The following HIPK2 variants were observed in gnomAD, a reference collection of about 807,000 sequenced individuals.
HIPK2 encodes homeodomain-interacting protein kinase 2.
A neutral mutation model predicts 113.7 loss-of-function variants in HIPK2; 27 were observed. The observed-to-expected ratio is 0.24, with a 90% CI of 0.17 to 0.33. The LOEUF is 0.33. Among genes scored for constraint, HIPK2 ranks in the 10% least tolerant of loss-of-function variants. The pLI, the probability that HIPK2 is intolerant of heterozygous loss-of-function variation, is 1.00. For missense variants in HIPK2, 1,257 were observed against 1,588.0 expected, an observed-to-expected ratio of 0.79 and a Z score of 3.54; for synonymous variants, 631 against 642.2, an observed-to-expected ratio of 0.98 and a Z score of 0.26.
At chr7:139,698,417 A>G (rs1794621039) in intron 2 of HIPK2, among the ~76,000 whole-genome samples, 1 of 152,202 alleles carries the variant, frequency 6.6e-6, no homozygotes, top group South Asian at 2.1e-4. Context: ...TGCTATGAAC[A>G]TGCATGTACA....
At chr7:139,648,702 C>T (rs555358312) in intron 2 of HIPK2, among the ~76,000 whole-genome samples, 9 of 152,260 alleles carry the variant, frequency 5.9e-5, no homozygotes, top group African/African-American at 2.2e-4. Context: ...GCCCCGTCTG[C>T]ATCATTACGG....
chr7:139,585,236 C>G (rs569196934), intron 12 of HIPK2, among the ~76,000 whole-genome samples: 51 of 152,318 alleles, frequency 3.3e-4, no homozygotes, highest in African/African-American at 1.1e-3. Flanking sequence ...TGAGGCCACA[C>G]AGCCAGGCCA....
At chr7:139,596,662 C>T in intron 12 of HIPK2, 55 bp downstream of exon 12, 1 of 1,581,436 alleles carries the variant, frequency 6.3e-7, no homozygotes, top group Admixed American at 1.7e-5. Context: ...CAGATCTGCA[C>T]ACAATGCAAA....
chr7:139,642,931 G>A (rs1801077862), intron 2 of HIPK2, among the ~76,000 whole-genome samples: 1 of 152,126 alleles, frequency 6.6e-6, no homozygotes, highest in African/African-American at 2.4e-5. Flanking sequence ...GCTGCTGCAA[G>A]GGAACAGGGT....
At position 139,567,600 on chromosome 7, in the gene HIPK2, C is replaced by T. The variant is rs1254590198; in HGVS notation, c.*5327G>A. 1 of 152,102 alleles carries T rather than the reference C, an allele frequency of 6.6e-6. No individual in the cohort carries two copies. Among genetic ancestry groups the T allele is most frequent in the Admixed American group, 6.5e-5 (1 of 15,270 alleles). The allele number at this position is 152,102 out of a possible 1,614,324, so 9.4% of individuals were successfully genotyped here. A position where few individuals can be genotyped will look rare whatever the true frequency, so the allele number is the denominator to read the frequency against. On this transcript the variant is annotated 3_prime_UTR_variant, in exon 15 of 15. Coordinates refer to ENST00000406875, the MANE Select transcript of HIPK2 (RefSeq NM_022740.5). The stretch of plus-strand genomic sequence containing the variant: ...TTGGTAAGGACATCTCTGGCCTGCT[C>T]AAGTTTGAAGCTTCCCCATCAGAAG...
intron 1 of HIPK2, among the ~76,000 whole-genome samples, chr7:139,748,952 CAT>C (rs1465093911): frequency 6.6e-6 from 1 of 152,220 alleles, no homozygotes; most frequent in Non-Finnish European, 1.5e-5. Context: ...GCTAACACCA[CAT>C]GAGGCTATTT....
chr7:139,589,471 C>T (rs770236534), intron 12 of HIPK2, among the ~76,000 whole-genome samples: 3 of 151,768 alleles, frequency 2.0e-5, no homozygotes, highest in Admixed American at 6.6e-5. Flanking sequence ...AATCTGCCCT[C>T]GAGTAAAATT....
Position 139,563,515 on chromosome 7 carries a change from C to T in HIPK2, c.*9412G>A. On this transcript the variant is annotated 3_prime_UTR_variant, in exon 15 of 15. Transcript: ENST00000406875. ...AAGCGAGGGAGAGCAGAGGCAGAGC[C>T]CTTTTTCAGATACAACATACTTACT... The T allele has an allele frequency of 4.7e-6, 1 of 212,534 alleles. No homozygotes were observed. Among genetic ancestry groups the T allele is most frequent in the African/African-American group, 2.3e-5 (1 of 44,020 alleles). The allele number at this position is 212,534 out of a possible 1,614,324, so 13.2% of individuals were successfully genotyped here. A position where few individuals can be genotyped will look rare whatever the true frequency, so the allele number is the denominator to read the frequency against.
At chr7:139,664,327 C>G (rs1303808319) in intron 2 of HIPK2, among the ~76,000 whole-genome samples, 1 of 152,128 alleles carries the variant, frequency 6.6e-6, no homozygotes, top group Non-Finnish European at 1.5e-5. Context: ...CACCTGAGGT[C>G]AGGAGTTCGA....
chr7:139,645,714 C>A (rs114125643), intron 2 of HIPK2, among the ~76,000 whole-genome samples: 1 of 152,092 alleles, frequency 6.6e-6, no homozygotes, highest in Admixed American at 6.5e-5. Context: ...GAGACGTGCA[C>A]GCCATCAAAC....
intron 1 of HIPK2, among the ~76,000 whole-genome samples, chr7:139,756,286 T>G (rs948568207): frequency 6.6e-5 from 10 of 152,258 alleles, no homozygotes; most frequent in Non-Finnish European, 1.0e-4. Context: ...AACACTGACA[T>G]TAAAGAGAAA....
At chr7:139,773,717 A>G (rs1428186512) in intron 1 of HIPK2, among the ~76,000 whole-genome samples, 1 of 152,218 alleles carries the variant, frequency 6.6e-6, no homozygotes, top group Non-Finnish European at 1.5e-5. Flanking sequence ...TAGGAAAATG[A>G]TGTTTAATGC....
chr7:139,617,439 C>T (rs774904730), intron 7 of HIPK2, among the ~76,000 whole-genome samples: 17 of 152,194 alleles, frequency 1.1e-4, no homozygotes, highest in Admixed American at 2.6e-4. Flanking sequence ...TTGTAGTAGA[C>T]GTTCAAATGG....
chr7:139,587,645 C>T (rs2116581945), intron 12 of HIPK2, among the ~76,000 whole-genome samples: 1 of 152,196 alleles, frequency 6.6e-6, no homozygotes, highest in South Asian at 2.1e-4. Flanking sequence ...GTAGCTCACC[C>T]CTGTAATCCC....
intron 1 of HIPK2, among the ~76,000 whole-genome samples, chr7:139,776,417 G>GTT (rs57657915): frequency 4.1e-5 from 6 of 146,322 alleles, no homozygotes; most frequent in Admixed American, 1.4e-4. Flanking sequence ...TTTCTTTTAA[G>GTT]TTTTTTTTTT....
intron 13 of HIPK2, among the ~76,000 whole-genome samples, chr7:139,580,355 G>T (rs895403700): frequency 1.3e-5 from 2 of 152,218 alleles, no homozygotes; most frequent in African/African-American, 4.8e-5. Flanking sequence ...GGAGATGGGG[G>T]TTGAGTCAGA....
chr7:139,724,528 CT>C (rs1002336723), intron 1 of HIPK2, among the ~76,000 whole-genome samples: 17 of 151,454 alleles, frequency 1.1e-4, no homozygotes, highest in African/African-American at 3.2e-4. Context: ...CTACAGAATT[CT>C]TTTTTTTTAT....
chr7:139,706,035 C>CG (rs1794888750), intron 2 of HIPK2, among the ~76,000 whole-genome samples: 2 of 152,108 alleles, frequency 1.3e-5, no homozygotes, highest in African/African-American at 4.8e-5. Flanking sequence ...TACGAGGCCC[C>CG]GGGGATGATG....
chr7:139,576,004 G>A (rs1297339416), intron 13 of HIPK2, among the ~76,000 whole-genome samples: 1 of 152,238 alleles, frequency 6.6e-6, no homozygotes, highest in East Asian at 1.9e-4. Context: ...CCCAGTCTCA[G>A]GTACTCTGTT....
Sources: gnomAD v4.1 joint callset for allele counts (sites outside exome capture counted in the v4.1 genomes callset) on GRCh38, gnomAD v4.1.1 for gene constraint, MANE v1.5 for transcripts, NCBI Gene and HGNC (gene_info 2026-07-23, HGNC 2026-07-21) for gene names.